Variants in PRKAR2B observed in about 807,000 individuals in gnomAD.
PRKAR2B encodes the protein cAMP-dependent protein kinase type II-beta regulatory subunit.
PRKAR2B carries 14 observed loss-of-function variants against 49.9 expected under a neutral mutation model. The ratio of observed to expected loss-of-function variants is 0.28; its 90% CI spans 0.19 to 0.44. The LOEUF (loss-of-function observed/expected upper bound fraction) is 0.44, where lower values mean the gene tolerates loss of function less well. PRKAR2B is among the 20% of genes least tolerant of loss of function. The pLI is 1.00. For synonymous variants in PRKAR2B, 196 were observed against 197.7 expected (o/e 0.99, Z 0.07); for missense variants, 393 against 537.9 (o/e 0.73, Z 2.67).
rs2116739137 is a variant in PRKAR2B, at chr7:107,044,868, G to A, written c.-40G>A. 1 of 1,536,748 alleles carries A rather than the reference G, an allele frequency of 6.5e-7. No individual in the cohort carries two copies. The highest frequency in any genetic ancestry group is 2.4e-5 in the East Asian group (1 of 41,064). On this transcript the variant is annotated 5_prime_UTR_variant, in exon 1 of 11. Transcript: ENST00000265717. ...GGCCCTAGGCCGTGCCGGGGAGGGG[G>A]CGAGGGCGGCGCCCAGGCGCCTGCC...
At chr7:107,063,004 C>T (rs1219062414) in intron 1 of PRKAR2B, among the ~76,000 whole-genome samples, 1 of 151,890 alleles carries the variant, frequency 6.6e-6, no homozygotes, top group Non-Finnish European at 1.5e-5. Flanking sequence ...GTATACATAA[C>T]ATTTGCTGTT....
At chr7:107,113,370 A>G (rs1004599031) in intron 2 of PRKAR2B, among the ~76,000 whole-genome samples, 3 of 152,226 alleles carry the variant, frequency 2.0e-5, no homozygotes, top group Non-Finnish European at 4.4e-5. Flanking sequence ...CTTTTTAACC[A>G]AAGTGTTAGG....
At chr7:107,099,880 C>T (rs1010129994) in intron 2 of PRKAR2B, among the ~76,000 whole-genome samples, 13 of 152,206 alleles carry the variant, frequency 8.5e-5, no homozygotes, top group South Asian at 4.2e-4. Context: ...GTGATCCGCC[C>T]GCCTTGGCCT....
rs1793656229 is a variant in PRKAR2B, at chr7:107,044,841, G to T, written c.-67G>T. The T allele has an allele frequency of 1.6e-6, 2 of 1,262,488 alleles. No individual in the cohort carries two copies. Among genetic ancestry groups the T allele is most frequent in the Non-Finnish European group, 2.0e-6 (2 of 988,052 alleles). The allele number at this position is 1,262,488 out of a possible 1,614,324, so 78.2% of individuals were successfully genotyped here. A position where few individuals can be genotyped will look rare whatever the true frequency, so the allele number is the denominator to read the frequency against. On this transcript the variant is annotated 5_prime_UTR_variant, in exon 1 of 11. Coordinates refer to ENST00000265717, the MANE Select transcript of PRKAR2B (RefSeq NM_002736.3). Reference sequence around the variant, plus strand: ...CCGTAGGCGCTCGCTCGGCAGCCGCGGGGCCCTAGGCCGTGCCGGGGAGGG... The same window carrying T: ...CCGTAGGCGCTCGCTCGGCAGCCGCTGGGCCCTAGGCCGTGCCGGGGAGGG...
chr7:107,048,616 G>C (rs1402749800), intron 1 of PRKAR2B, among the ~76,000 whole-genome samples: 1 of 152,188 alleles, frequency 6.6e-6, no homozygotes, highest in African/African-American at 2.4e-5. Flanking sequence ...AATAAGCCAG[G>C]CACCTGCAGT....
chr7:107,103,499 C>G (rs1425900938), intron 2 of PRKAR2B, among the ~76,000 whole-genome samples: 1 of 152,172 alleles, frequency 6.6e-6, no homozygotes, highest in Non-Finnish European at 1.5e-5. Context: ...GTTACAGTGA[C>G]CTGGGTGACG....
At chr7:107,052,350 G>A (rs1393479934) in intron 1 of PRKAR2B, among the ~76,000 whole-genome samples, 2 of 152,094 alleles carry the variant, frequency 1.3e-5, no homozygotes, top group African/African-American at 2.4e-5. Flanking sequence ...CCCTGGAGAC[G>A]GAGGTTGCAG....
intron 4 of PRKAR2B, among the ~76,000 whole-genome samples, chr7:107,140,635 T>G (rs1346799498): frequency 6.6e-6 from 1 of 152,200 alleles, no homozygotes; most frequent in Non-Finnish European, 1.5e-5. Flanking sequence ...CTAATTATAA[T>G]TACTTTCATT....
chr7:107,072,022 T>G (rs1794286969), intron 2 of PRKAR2B, among the ~76,000 whole-genome samples: 2 of 150,526 alleles, frequency 1.3e-5, no homozygotes, highest in African/African-American at 2.4e-5. Flanking sequence ...TGAGCCAAGA[T>G]TGCACCACTG....
At chr7:107,089,856 C>T (rs539884075) in intron 2 of PRKAR2B, among the ~76,000 whole-genome samples, 2 of 152,344 alleles carry the variant, frequency 1.3e-5, no homozygotes, top group African/African-American at 4.8e-5. Flanking sequence ...CAGAACCACA[C>T]ATGATCCCTG....
intron 5 of PRKAR2B, among the ~76,000 whole-genome samples, chr7:107,145,627 C>G (rs1795876295): frequency 6.6e-6 from 1 of 151,808 alleles, no homozygotes; most frequent in African/African-American, 2.4e-5. Context: ...CTATGTTGCC[C>G]AGGCTGGTCT....
intron 2 of PRKAR2B, among the ~76,000 whole-genome samples, chr7:107,089,878 A>G (rs1000635305): frequency 6.6e-6 from 1 of 152,190 alleles, no homozygotes; most frequent in East Asian, 1.9e-4. Flanking sequence ...GTTATGTATC[A>G]CCCATTTTGT....
At chr7:107,121,207 C>T (rs1014806928) in intron 2 of PRKAR2B, among the ~76,000 whole-genome samples, 1 of 151,822 alleles carries the variant, frequency 6.6e-6, no homozygotes, top group African/African-American at 2.4e-5. Flanking sequence ...TACAATTTAG[C>T]CCCTGCAAAT....
At chr7:107,114,993 T>G (rs1795245172) in intron 2 of PRKAR2B, among the ~76,000 whole-genome samples, 1 of 152,168 alleles carries the variant, frequency 6.6e-6, no homozygotes, top group African/African-American at 2.4e-5. Context: ...TTTAGTCAAA[T>G]ATTTAAAATA....
chr7:107,153,133 C>A, intron 7 of PRKAR2B, 44 bp from the exon 8 acceptor site: 1 of 1,464,584 alleles, frequency 6.8e-7, no homozygotes. Flanking sequence ...TAAGCTTACC[C>A]AGTTAATTTG....
At chr7:107,084,784 TA>T (rs1179369334) in intron 2 of PRKAR2B, among the ~76,000 whole-genome samples, 1 of 151,890 alleles carries the variant, frequency 6.6e-6, no homozygotes, top group Non-Finnish European at 1.5e-5. Flanking sequence ...CATGCCTGGC[TA>T]ATTTTTTTTT....
At chr7:107,136,439 T>C (rs73413378) in intron 4 of PRKAR2B, among the ~76,000 whole-genome samples, 14,300 of 152,110 alleles carry the variant, frequency 0.094, 782 homozygotes, top group African/African-American at 0.15. Flanking sequence ...AGGACTGTTA[T>C]CCAAAATATA....
chr7:107,101,812 C>T (rs1026211684), intron 2 of PRKAR2B, among the ~76,000 whole-genome samples: 10 of 150,040 alleles, frequency 6.7e-5, no homozygotes, highest in Admixed American at 6.6e-4. Flanking sequence ...AAATCAGTAG[C>T]TATTTTTATG....
intron 3 of PRKAR2B, among the ~76,000 whole-genome samples, chr7:107,122,309 A>T (rs1411256913): frequency 2.0e-5 from 3 of 152,222 alleles, no homozygotes; most frequent in African/African-American, 7.2e-5. Context: ...AAACAAAAAT[A>T]CTGGGAAAGA....
Sources: gnomAD v4.1 joint callset for allele counts (sites outside exome capture counted in the v4.1 genomes callset) on GRCh38, gnomAD v4.1.1 for gene constraint, MANE v1.5 for transcripts, NCBI Gene and HGNC (gene_info 2026-07-23, HGNC 2026-07-21) for gene names.